STPG2: variants seen among roughly 807,000 people sequenced by gnomAD.
STPG2 encodes sperm tail PG-rich repeat containing 2, also known as sperm-tail PG-rich repeat-containing protein 2.
STPG2 carries 56 observed loss-of-function variants against 54.2 expected under a neutral mutation model. The ratio of observed to expected loss-of-function variants is 1.03; its 90% CI spans 0.83 to 1.29. The LOEUF is 1.29. Ranked by LOEUF, STPG2 falls within the 50% of genes most tolerant of loss-of-function variation. The pLI is 0.00. For missense variants in STPG2, 596 were observed against 544.9 expected, an observed-to-expected ratio of 1.09 and a Z score of -0.93; for synonymous variants, 200 against 181.8, an observed-to-expected ratio of 1.10 and a Z score of -0.81.
intron 4 of STPG2, among the ~76,000 whole-genome samples, chr4:97,522,081 T>TC (rs776639029): frequency 2.4e-5 from 1 of 40,942 alleles, no homozygotes; most frequent in Non-Finnish European, 6.8e-5. Flanking sequence ...AAATATACAA[T>TC]TTTTTCTTAA....
At chr4:98,067,162 C>G (rs530817317) in intron 5 of STPG2, among the ~76,000 whole-genome samples, 1 of 151,964 alleles carries the variant, frequency 6.6e-6, no homozygotes, top group South Asian at 2.1e-4. Flanking sequence ...GTCAATCATT[C>G]TCTTTATATG....
At chr4:97,697,412 G>A (rs891176191) in intron 10 of STPG2, among the ~76,000 whole-genome samples, 1 of 152,334 alleles carries the variant, frequency 6.6e-6, no homozygotes, top group South Asian at 2.1e-4. Context: ...TGAAGGAGCT[G>A]CAGATGGCTT....
At chr4:97,624,614 CTTTAG>C (rs1560690803) in intron 10 of STPG2, among the ~76,000 whole-genome samples, 4 of 152,126 alleles carry the variant, frequency 2.6e-5, no homozygotes, top group South Asian at 2.1e-4. Flanking sequence ...TGCAAAATCT[CTTTAG>C]TTTAATTATA....
intron 8 of STPG2, among the ~76,000 whole-genome samples, chr4:97,884,244 AAACT>A (rs1730479568): frequency 6.6e-6 from 1 of 152,168 alleles, no homozygotes; most frequent in Non-Finnish European, 1.5e-5. Flanking sequence ...CAAAACAAAC[AAACT>A]ATTATGAGCT....
At chr4:97,637,767 C>T (rs2148941407) in intron 10 of STPG2, among the ~76,000 whole-genome samples, 1 of 152,166 alleles carries the variant, frequency 6.6e-6, no homozygotes, top group South Asian at 2.1e-4. Context: ...AATAAAATAC[C>T]TAGGAATCCA....
intron 9 of STPG2, among the ~76,000 whole-genome samples, chr4:97,713,287 G>A (rs1419774394): frequency 6.6e-6 from 1 of 152,184 alleles, no homozygotes; most frequent in Non-Finnish European, 1.5e-5. Flanking sequence ...GTAGTAAACA[G>A]ATGGTTTGCA....
chr4:97,544,229 T>C (rs893079323), intron 4 of STPG2, among the ~76,000 whole-genome samples: 2 of 152,128 alleles, frequency 1.3e-5, no homozygotes, highest in Admixed American at 6.6e-5. Context: ...TCAAAGTTAA[T>C]GCAATCCATG....
intron 8 of STPG2, among the ~76,000 whole-genome samples, chr4:97,850,418 A>G (rs946356627): frequency 6.6e-6 from 1 of 151,664 alleles, no homozygotes; most frequent in African/African-American, 2.4e-5. Context: ...TGTTGTAAAT[A>G]CCAACGTATT....
chr4:98,047,261 G>C (rs1005536833), intron 5 of STPG2, among the ~76,000 whole-genome samples: 5 of 152,168 alleles, frequency 3.3e-5, no homozygotes, highest in Non-Finnish European at 7.3e-5. Flanking sequence ...CTTATGTGTG[G>C]ATAAACTGAC....
At chr4:98,120,878 T>G (rs1578180329) in intron 3 of STPG2, among the ~76,000 whole-genome samples, 1 of 152,254 alleles carries the variant, frequency 6.6e-6, no homozygotes, top group Non-Finnish European at 1.5e-5. Flanking sequence ...TGATGATAAG[T>G]TTCTTTTGCT....
At chr4:97,538,620 A>G (rs1355453327) in intron 4 of STPG2, among the ~76,000 whole-genome samples, 1 of 152,236 alleles carries the variant, frequency 6.6e-6, no homozygotes, top group Non-Finnish European at 1.5e-5. Flanking sequence ...AACACTCTAC[A>G]GCATATTATC....
intron 9 of STPG2, among the ~76,000 whole-genome samples, chr4:97,732,640 A>C (rs939313971): frequency 6.6e-6 from 1 of 152,192 alleles, no homozygotes; most frequent in African/African-American, 2.4e-5. Flanking sequence ...AACCCACAAG[A>C]AAATATTTGG....
intron 3 of STPG2, among the ~76,000 whole-genome samples, chr4:98,121,477 GCAATATAGCCTTTTT>G (rs1433300014): frequency 7.7e-6 from 1 of 129,438 alleles, no homozygotes; most frequent in Non-Finnish European, 1.7e-5. Flanking sequence ...ATTACTTTAG[GCAATATAGCCTTTTT>G]CATGATATGG....
rs1729658592 is a variant in STPG2 at position 97,863,892 on chromosome 4, A to T, written c.1045-22960T>A. Reference sequence around the variant, plus strand: ...AGATGCAGAAAAGGCCTTTGACAAAATTCAGCCCTTCATGCTAAAAACTCT... The same window carrying T: ...AGATGCAGAAAAGGCCTTTGACAAATTTCAGCCCTTCATGCTAAAAACTCT... On this transcript the variant is annotated intron_variant, in intron 8 of 10. Transcript: ENST00000295268. 2.0e-5 allele frequency among the ~76,000 whole-genome samples: 3 copies of T among 151,504 alleles called. No homozygotes were observed. In the South Asian group the frequency reaches 6.2e-4, roughly 31 times the overall value.
intron 5 of STPG2, among the ~76,000 whole-genome samples, chr4:98,062,633 A>G (rs994514863): frequency 6.6e-6 from 1 of 152,098 alleles, no homozygotes; most frequent in Non-Finnish European, 1.5e-5. Context: ...TTTCACAGAT[A>G]CAATTTAGAA....
intron 5 of STPG2, among the ~76,000 whole-genome samples, chr4:98,011,039 C>A (rs951244129): frequency 3.9e-5 from 6 of 152,120 alleles, no homozygotes; most frequent in Non-Finnish European, 7.3e-5. Context: ...GTTTGCTGCA[C>A]TGATCAACCC....
At chr4:97,804,444 A>G (rs1727491603) in intron 9 of STPG2, among the ~76,000 whole-genome samples, 1 of 152,168 alleles carries the variant, frequency 6.6e-6, no homozygotes, top group African/African-American at 2.4e-5. Flanking sequence ...AAAAGTTGAA[A>G]CTTTTTTTTC....
chr4:97,447,300 T>C (rs1729247965), intron 4 of STPG2, among the ~76,000 whole-genome samples: 1 of 152,226 alleles, frequency 6.6e-6, no homozygotes, highest in South Asian at 2.1e-4. Context: ...CCTTACCATG[T>C]AGTAGAAAAG....
At chr4:97,536,369 G>A (rs1216921563) in intron 4 of STPG2, among the ~76,000 whole-genome samples, 7 of 152,110 alleles carry the variant, frequency 4.6e-5, no homozygotes, top group Admixed American at 4.6e-4. Flanking sequence ...TCATTATAGT[G>A]AGGGAGTTCC....
Sources: allele counts gnomAD v4.1 joint callset (sites outside exome capture counted in the v4.1 genomes callset), GRCh38; gene constraint gnomAD v4.1.1; transcripts MANE v1.5; gene names NCBI Gene and HGNC (gene_info 2026-07-23, HGNC 2026-07-21).